The following APOB variants were observed in gnomAD, a reference collection of about 807,000 sequenced individuals.
APOB encodes apolipoprotein B.
In APOB, 153 loss-of-function variants were observed where a neutral mutation model predicts 314.1. That is an observed-to-expected ratio of 0.49 (90% CI 0.43 to 0.56). The LOEUF (loss-of-function observed/expected upper bound fraction) is 0.56. Among genes scored for constraint, APOB ranks in the 20% least tolerant of loss-of-function variants. The probability of loss-of-function intolerance (pLI) is 0.00; values close to 1 mark genes in which losing one functional copy is unlikely to be tolerated. For missense variants in APOB, 5,430 were observed against 5,350.7 expected (o/e 1.01, Z -0.46); for synonymous variants, 2,087 against 2,036.4 (o/e 1.02, Z -0.67).
At chr2:21,040,672 C>A (rs1490389626) in intron 4 of APOB, among the ~76,000 whole-genome samples, 2 of 152,092 alleles carry the variant, frequency 1.3e-5, no homozygotes, top group African/African-American at 4.8e-5. Flanking sequence ...CTTGTTTAAA[C>A]AAAGCATCTC....
Position 21,016,632 on chromosome 2 carries a change from C to T in APOB, c.3139G>A (p.Ala1047Thr). ...CGATTATATTTGAATGTCATGGTAG[C>T]CTCAGTCTGCTTCGCACCTGGACGA... ...TQAEGAKQTE[A>T]TMTFKYNRQS... is the part of the protein sequence containing the mutation. Residue 1047 changes from alanine to threonine, a missense_variant, in exon 21 of 29, where the codon GCT (alanine) becomes ACT (threonine). Ala to Thr is a moderately conservative substitution (Grantham distance 58). Transcript: ENST00000233242. 1 of 1,606,986 alleles carries T rather than the reference C, an allele frequency of 6.2e-7. No individual in the cohort carries two copies. Among genetic ancestry groups the T allele is most frequent in the Non-Finnish European group, 8.5e-7 (1 of 1,173,504 alleles).
intron 6 of APOB, among the ~76,000 whole-genome samples, chr2:21,036,690 T>C (rs1469513): frequency 0.34 from 51,449 of 152,012 alleles, 9,600 homozygotes; most frequent in Non-Finnish European, 0.43. Context: ...TCTTGGGACT[T>C]CTTCAAAGGC....
rs770058503 is a variant in APOB, at chr2:21,027,972, T to C, written c.1923A>G (p.Lys641=). The stretch of plus-strand genomic sequence containing the variant: ...GGTCAAGTGATGGAAGAGAAACAGA[T>C]TTGTAGAGTTGATAGTTCCGAGAGA... ...RKFSRNYQLY[K]SVSLPSLDPA... is the part of the protein sequence containing the mutation. The change falls in exon 14 of 29, where the codon AAA becomes AAG. Residue 641 remains lysine (K), a synonymous_variant. Coordinates refer to ENST00000233242, the MANE Select transcript of APOB (RefSeq NM_000384.3). 1.2e-5 allele frequency: 20 copies of C among 1,614,020 alleles called. No individual in the cohort carries two copies. The highest frequency in any genetic ancestry group is 1.7e-5 in the Non-Finnish European group (20 of 1,179,880).
chr2:21,012,987 A>G (rs1663369090), intron 25 of APOB, among the ~76,000 whole-genome samples, 173 bp downstream of exon 25: 1 of 152,224 alleles, frequency 6.6e-6, no homozygotes, highest in African/African-American at 2.4e-5. Context: ...AATATTTAAT[A>G]CACGTGATAT....
intron 24 of APOB, 147 bp downstream of exon 24, chr2:21,014,301 C>T: frequency 1.1e-6 from 1 of 896,372 alleles, no homozygotes. Context: ...TGCAAAGATG[C>T]CACAGTGTTT....
chr2:21,019,523 C>T (rs1223734091), intron 19 of APOB, among the ~76,000 whole-genome samples, 200 bp downstream of exon 19: 3 of 152,178 alleles, frequency 2.0e-5, no homozygotes, highest in Non-Finnish European at 2.9e-5. Context: ...GTGCTGTGAT[C>T]CCATCCCATG....
intron 6 of APOB, 125 bp downstream of exon 6, chr2:21,036,975 T>C: frequency 8.2e-7 from 1 of 1,220,354 alleles, no homozygotes; most frequent in Non-Finnish European, 1.2e-6. Flanking sequence ...GTCCTATCTC[T>C]AGTCTGTATA....
intron 12 of APOB, among the ~76,000 whole-genome samples, chr2:21,029,410 C>A (rs1326991188): frequency 3.3e-5 from 5 of 151,982 alleles, no homozygotes; most frequent in Non-Finnish European, 7.4e-5. Context: ...CGAGATCATG[C>A]CACTGCACTC....
At chr2:21,026,210 A>G (rs1317583646) in intron 15 of APOB, among the ~76,000 whole-genome samples, 1 of 152,104 alleles carries the variant, frequency 6.6e-6, no homozygotes, top group Non-Finnish European at 1.5e-5. Flanking sequence ...GCACAGCTTC[A>G]AGACAGGGAA....
chr2:21,027,892 G>C lies in APOB; in HGVS notation c.2003C>G (p.Pro668Arg). The change falls in exon 14 of 29, where the codon CCT becomes CGT. Residue 668 changes from proline (P) to arginine (R), a missense_variant. Pro to Arg is a moderately radical substitution (Grantham distance 103). Around this residue, in one of 3 missense-constraint regions of APOB, gnomAD observed 2,085 missense variants for 2,079.7 expected, o/e 1.00. Coordinates refer to ENST00000233242, the MANE Select transcript of APOB (RefSeq NM_000384.3). ...NLIFDPNNYL[P>R]KESMLKTTLT... The stretch of plus-strand genomic sequence containing the variant: ...GGTAGTTTTCAGCATGCTTTCTTTA[G>C]GAAGGTAGTTATTTGGATCAAATAT... 6.2e-7 allele frequency: 1 copy of C among 1,614,194 alleles called. No homozygotes were observed. The highest frequency in any genetic ancestry group is 8.5e-7 in the Non-Finnish European group (1 of 1,180,024).
At position 21,006,313 on chromosome 2, in the gene APOB, T is replaced by G; in HGVS notation, c.10555A>C (p.Thr3519Pro). 1 of 1,614,050 alleles carries G rather than the reference T, an allele frequency of 6.2e-7. No individual in the cohort carries two copies. Among genetic ancestry groups the G allele is most frequent in the Non-Finnish European group, 8.5e-7 (1 of 1,179,970 alleles). The change falls in exon 26 of 29, where the codon ACT becomes CCT. Residue 3519 changes from threonine (T) to proline (P), a missense_variant. By Grantham distance (38) the Thr-to-Pro change is conservative (BLOSUM62 -1). Transcript: ENST00000233242. ...YSGTIASEANTYLNSKSTRSS... is the reference protein window; with the variant it reads ...YSGTIASEANPYLNSKSTRSS... Reference sequence around the variant, plus strand: ...CGTGTGCTCTTGGAATTCAAGTAAGTGTTGGCCTCACTAGCAATAGTTCCT... The same window carrying G: ...CGTGTGCTCTTGGAATTCAAGTAAGGGTTGGCCTCACTAGCAATAGTTCCT...
At chr2:21,013,124 C>G in intron 25 of APOB, 36 bp downstream of exon 25, 2 of 1,612,348 alleles carry the variant, frequency 1.2e-6, no homozygotes, top group Non-Finnish European at 1.7e-6. Flanking sequence ...CTGCCATGAA[C>G]TAGCCCGGTG....
At chr2:21,023,346 T>C in intron 17 of APOB, 179 bp downstream of exon 17, 1 of 715,296 alleles carries the variant, frequency 1.4e-6, no homozygotes, top group Admixed American at 2.2e-5. Flanking sequence ...CTACTGGAGC[T>C]AGTGAGGTAG....
chr2:21,001,995 A>G lies in APOB; in HGVS notation c.13427T>C (p.Ile4476Thr). 2 of 1,613,976 alleles carry G rather than the reference A, an allele frequency of 1.2e-6. No individual in the cohort carries two copies. The highest frequency in any genetic ancestry group is 1.7e-6 in the Non-Finnish European group (2 of 1,179,970). ...IAELSATAQE[I>T]IKSQAIATKK... is the part of the protein sequence containing the mutation. ...CGTCGCAATGGCCTGGCTTTTAATT[A>G]TTTCCTGAGCAGTGGCAGAAAGCTC... Residue 4476 changes from isoleucine (I) to threonine (T), a missense_variant, in exon 29 of 29, where the codon ATA (isoleucine) becomes ACA (threonine). Physicochemically the swap from Ile to Thr is moderately conservative, Grantham distance 89. Coordinates refer to ENST00000233242, the MANE Select transcript of APOB (RefSeq NM_000384.3).
At chr2:21,020,384 C>T (rs994539045) in intron 18 of APOB, among the ~76,000 whole-genome samples, 2 of 152,212 alleles carry the variant, frequency 1.3e-5, no homozygotes, top group African/African-American at 4.8e-5. Context: ...CTTGCTTTCT[C>T]ATCTTCCTCA....
In APOB at chr2:21,005,578, C is replaced by G; in HGVS notation, c.11290G>C (p.Asp3764His). 1 of 1,614,032 alleles carries G rather than the reference C, an allele frequency of 6.2e-7. No individual in the cohort carries two copies. The highest frequency in any genetic ancestry group is 8.5e-7 in the Non-Finnish European group (1 of 1,179,990). The change falls in exon 26 of 29, where the codon GAC becomes CAC. Residue 3764 changes from aspartate to histidine, a missense_variant. Asp to His is a moderately conservative substitution (Grantham distance 81). Around this residue, in one of 3 missense-constraint regions of APOB, gnomAD observed 3,281 missense variants for 3,171.0 expected, o/e 1.03. Coordinates refer to ENST00000233242, the MANE Select transcript of APOB (RefSeq NM_000384.3). ...TDLQVPSCKL[D>H]FREIQIYKKL... is the part of the protein sequence containing the mutation. ...TTATAGATTTGTATTTCTCTGAAGT[C>G]AAGTTTGCACGATGGAACCTGAAGA...
intron 6 of APOB, among the ~76,000 whole-genome samples, chr2:21,036,771 C>T (rs1318458405): frequency 6.6e-6 from 1 of 152,126 alleles, no homozygotes; most frequent in Non-Finnish European, 1.5e-5. Flanking sequence ...TGCCCTACAT[C>T]CATCCCCGGA....
chr2:21,042,572 A>G, intron 2 of APOB, 96 bp from the exon 3 acceptor site: 2 of 863,658 alleles, frequency 2.3e-6, no homozygotes, highest in Non-Finnish European at 4.0e-6. Context: ...TAGAGAATTA[A>G]AAATGGTAAT....
chr2:21,025,256 C>T (rs956237469), intron 15 of APOB, 132 bp from the exon 16 acceptor site: 18 of 841,250 alleles, frequency 2.1e-5, no homozygotes, highest in South Asian at 6.9e-5. Flanking sequence ...CAGGGAGACA[C>T]TGAAGTCCAG....
Sources: allele counts gnomAD v4.1 joint callset (sites outside exome capture counted in the v4.1 genomes callset), GRCh38; gene constraint gnomAD v4.1.1; regional missense constraint gnomAD v4.1.1; transcripts MANE v1.5; gene names NCBI Gene and HGNC (gene_info 2026-07-23, HGNC 2026-07-21).